Variants in MACC1 observed in about 807,000 individuals in gnomAD.
MACC1 encodes the protein metastasis-associated in colon cancer protein 1.
Under a neutral mutation model 70.7 loss-of-function variants are expected in MACC1, and 79 were observed. The observed-to-expected ratio is 1.12, with a 90% CI of 0.93 to 1.35. The LOEUF is 1.35. Among genes scored for constraint, MACC1 ranks in the 40% most tolerant of loss-of-function variants. The probability of loss-of-function intolerance (pLI) is 0.00; values close to 1 mark genes in which losing one functional copy is unlikely to be tolerated. For missense variants in MACC1, 1,106 were observed against 978.1 expected, an observed-to-expected ratio of 1.13 and a Z score of -1.74; for synonymous variants, 361 against 347.2, an observed-to-expected ratio of 1.04 and a Z score of -0.44.
chr7:20,212,852 G>A (rs1022798770), intron 1 of MACC1, among the ~76,000 whole-genome samples: 4 of 152,016 alleles, frequency 2.6e-5, no homozygotes, highest in Admixed American at 2.6e-4. Flanking sequence ...CCTCCCTCTG[G>A]GAGTTCTGGC....
At chr7:20,191,465 T>G (rs1200745712) in intron 1 of MACC1, among the ~76,000 whole-genome samples, 1 of 135,444 alleles carries the variant, frequency 7.4e-6, no homozygotes, top group Non-Finnish European at 1.5e-5. Flanking sequence ...GTAGCTGGCG[T>G]TGGAACTGAT....
At chr7:20,164,085 C>T (rs1196942607) in intron 3 of MACC1, among the ~76,000 whole-genome samples, 171 bp downstream of exon 3, 1 of 152,110 alleles carries the variant, frequency 6.6e-6, no homozygotes, top group Non-Finnish European at 1.5e-5. Context: ...TACAGGCGCC[C>T]ACCACCAGTC....
chr7:20,154,240 C>A lies in MACC1; in HGVS notation c.2299G>T (p.Ala767Ser). The A allele has an allele frequency of 1.9e-6, 3 of 1,613,988 alleles. No individual in the cohort carries two copies. The highest frequency in any genetic ancestry group is 2.5e-6 in the Non-Finnish European group (3 of 1,179,922). Residue 767 changes from alanine to serine, a missense_variant, in exon 6 of 7, where the codon GCA becomes TCA. By Grantham distance (99) the Ala-to-Ser change is moderately conservative. Coordinates refer to ENST00000400331, the MANE Select transcript of MACC1 (RefSeq NM_182762.4). Reference sequence around the variant, plus strand: ...TTTCCTCGATGAGGAATTTCATATGCCTCCATTTGTTGCTTTGTGAGTCGT... The same window carrying A: ...TTTCCTCGATGAGGAATTTCATATGACTCCATTTGTTGCTTTGTGAGTCGT... Reference protein sequence around the residue: ...LVRLTKQQMEAYEIPHRGNTG... With the variant: ...LVRLTKQQMESYEIPHRGNTG...
chr7:20,190,392 G>C (rs1583405269), intron 1 of MACC1, among the ~76,000 whole-genome samples: 1 of 151,982 alleles, frequency 6.6e-6, no homozygotes, highest in Non-Finnish European at 1.5e-5. Flanking sequence ...TTTAGCATTT[G>C]TATGATATCT....
chr7:20,149,539 C>T (rs894750966), intron 6 of MACC1, among the ~76,000 whole-genome samples: 8 of 152,142 alleles, frequency 5.3e-5, no homozygotes, highest in African/African-American at 1.9e-4. Flanking sequence ...TTGCCCAAGG[C>T]TTGAGGGCTG....
intron 1 of MACC1, among the ~76,000 whole-genome samples, chr7:20,175,530 G>A (rs989841037): frequency 6.6e-6 from 1 of 152,022 alleles, no homozygotes; most frequent in African/African-American, 2.4e-5. Context: ...ATTTTCAAAT[G>A]TATTGCAAAA....
chr7:20,177,539 T>G (rs1347980023), intron 1 of MACC1, among the ~76,000 whole-genome samples: 1 of 152,100 alleles, frequency 6.6e-6, no homozygotes, highest in Non-Finnish European at 1.5e-5. Flanking sequence ...TTTTCTCTGG[T>G]GTTTCTCTTT....
intron 6 of MACC1, among the ~76,000 whole-genome samples, chr7:20,143,284 A>T (rs1421853198): frequency 1.3e-5 from 2 of 152,234 alleles, no homozygotes; most frequent in African/African-American, 4.8e-5. Context: ...CAAAAAATAG[A>T]AACTACAGAT....
intron 1 of MACC1, among the ~76,000 whole-genome samples, chr7:20,211,412 T>C (rs748558583): frequency 3.9e-5 from 6 of 152,180 alleles, no homozygotes; most frequent in Non-Finnish European, 2.9e-5. Flanking sequence ...GGAAAAGTCA[T>C]ATGAATAATA....
rs118091789 is a variant in MACC1, at chr7:20,169,724, A to T, written c.-153+990T>A. Among the ~76,000 whole-genome samples the T allele has an allele frequency of 8.0e-3, 1,212 of 152,368 alleles. 26 individuals are homozygous for T. The highest frequency in any genetic ancestry group is 0.038 in the East Asian group (199 of 5,194). ...GTCCTTCTAGTATAAACTTGGAAAG[A>T]TACTGAACATTTCTGGAACTCTACT... On this transcript the variant is annotated intron_variant, in intron 2 of 6. Coordinates refer to ENST00000400331, the MANE Select transcript of MACC1 (RefSeq NM_182762.4).
intron 1 of MACC1, among the ~76,000 whole-genome samples, chr7:20,174,321 T>G (rs185947042): frequency 6.6e-6 from 1 of 152,118 alleles, no homozygotes; most frequent in Non-Finnish European, 1.5e-5. Context: ...GGGGAAGGAA[T>G]GTGAGAAGTT....
At chr7:20,169,343 A>C (rs1170013356) in intron 2 of MACC1, among the ~76,000 whole-genome samples, 3 of 152,174 alleles carry the variant, frequency 2.0e-5, no homozygotes, top group Admixed American at 6.5e-5. Flanking sequence ...ATGGACCTGC[A>C]GTCATTTTTC....
intron 1 of MACC1, among the ~76,000 whole-genome samples, chr7:20,181,367 G>A (rs985143121): frequency 1.3e-5 from 2 of 151,902 alleles, no homozygotes; most frequent in African/African-American, 4.8e-5. Context: ...AAATTCCACT[G>A]AATATTAGAT....
chr7:20,160,144 C>A lies in MACC1; in HGVS notation c.217G>T (p.Ala73Ser). 1 of 1,613,136 alleles carries A rather than the reference C, an allele frequency of 6.2e-7. No homozygotes were observed. The highest frequency in any genetic ancestry group is 8.5e-7 in the Non-Finnish European group (1 of 1,179,782). Residue 73 changes from alanine to serine, a missense_variant, in exon 5 of 7, where the codon GCT becomes TCT. Transcript: ENST00000400331. ...ATGTCATCCAAAAATGGGTTAGAAG[C>A]AGACAGTTGATTCCAGAATGGATTT... ...VANPFWNQLS[A>S]SNPFLDDITQ...
chr7:20,151,279 C>T (rs933281753), intron 6 of MACC1, among the ~76,000 whole-genome samples: 41 of 152,112 alleles, frequency 2.7e-4, no homozygotes, highest in African/African-American at 9.9e-4. Context: ...CCAGCATGTC[C>T]CCTTGTAAAA....
chr7:20,150,121 A>T (rs1781953489), intron 6 of MACC1, among the ~76,000 whole-genome samples: 1 of 152,224 alleles, frequency 6.6e-6, no homozygotes, highest in South Asian at 2.1e-4. Context: ...TAACATTGTC[A>T]TCTAGTCCTA....
At position 20,207,504 on chromosome 7, in the gene MACC1, C is replaced by T. The variant is rs538711669; in HGVS notation, c.-218+9795G>A. Among the ~76,000 whole-genome samples, 35 of 152,010 alleles carry T rather than the reference C, an allele frequency of 2.3e-4. No individual in the cohort carries two copies. In the South Asian group the frequency reaches 2.5e-3, roughly 11 times the overall value. ...CCTTCTCCTCTATAATATGGTGAAA[C>T]GCTTTTATATGTTAGGACCTATAAT... On this transcript the variant is annotated intron_variant, in intron 1 of 6. Transcript: ENST00000400331.
intron 1 of MACC1, among the ~76,000 whole-genome samples, chr7:20,212,531 T>G (rs1783013853): frequency 6.6e-6 from 1 of 152,150 alleles, no homozygotes; most frequent in Non-Finnish European, 1.5e-5. Flanking sequence ...TCTCTTCTCC[T>G]GGAAACTTGA....
intron 2 of MACC1, among the ~76,000 whole-genome samples, chr7:20,167,175 T>A (rs1469039100): frequency 6.6e-6 from 1 of 152,004 alleles, no homozygotes; most frequent in Non-Finnish European, 1.5e-5. Context: ...TCTACCATCA[T>A]CCTTATTTTT....
Sources: allele counts gnomAD v4.1 joint callset (sites outside exome capture counted in the v4.1 genomes callset), GRCh38; gene constraint gnomAD v4.1.1; transcripts MANE v1.5; gene names NCBI Gene and HGNC (gene_info 2026-07-23, HGNC 2026-07-21).